CAPG: variants seen among roughly 807,000 people sequenced by gnomAD.
The protein encoded by CAPG is macrophage-capping protein.
Under a neutral mutation model 44.6 loss-of-function variants are expected in CAPG, and 32 were observed. The ratio of observed to expected loss-of-function variants is 0.72; its 90% CI spans 0.54 to 0.96. The LOEUF (loss-of-function observed/expected upper bound fraction) is 0.96, where lower values mean the gene tolerates loss of function less well. CAPG is among the 50% of genes least tolerant of loss of function. CAPG has a pLI of 0.00. For missense variants in CAPG, 412 were observed against 438.3 expected (o/e 0.94, Z 0.54); for synonymous variants, 175 against 179.6 (o/e 0.97, Z 0.20).
intron 7 of CAPG, 49 bp from the exon 8 acceptor site, chr2:85,398,201 C>T: frequency 6.3e-7 from 1 of 1,595,582 alleles, no homozygotes; most frequent in African/African-American, 1.3e-5. Context: ...CACCAGCCCT[C>T]ACCTCAGCCT....
chr2:85,412,369 C>T (rs141624218), upstream of CAPG, among the ~76,000 whole-genome samples: 89 of 152,150 alleles, frequency 5.8e-4, 1 homozygote, highest in East Asian at 0.017. Flanking sequence ...AAAAATTAGC[C>T]GGGGGTGGTG....
At chr2:85,417,053 G>A (rs998484467) in intron 1 of CAPG, among the ~76,000 whole-genome samples, 3 of 152,320 alleles carry the variant, frequency 2.0e-5, no homozygotes, top group African/African-American at 2.4e-5. Context: ...TCTTGGGAAA[G>A]TGGGACTGTC....
intron 8 of CAPG, among the ~76,000 whole-genome samples, chr2:85,396,708 G>A (rs112651146): frequency 1.7e-4 from 26 of 152,184 alleles, no homozygotes; most frequent in Middle Eastern, 3.4e-3. Flanking sequence ...CATGGGATAT[G>A]TGCCCTCTGG....
At chr2:85,398,379 T>C (rs1429546359) in intron 7 of CAPG, 3 of 592,634 alleles carry the variant, frequency 5.1e-6, no homozygotes, top group Non-Finnish European at 8.9e-6. Context: ...CGAACCCATT[T>C]GGAAATTAGG....
Position 85,395,917 on chromosome 2 carries a change from A to G in CAPG, c.893-291T>C. On this transcript the variant is annotated intron_variant, in intron 8 of 9. Transcript: ENST00000263867. The surrounding 1 kb of genome is among the most constrained non-coding windows in gnomAD (Gnocchi z 4.3). ...CCTGGAATATTTCAGGGAGGGGAACAGGTGTTCACCCTAGCATCAGACTGT... is the reference window on the plus strand; with the variant it reads ...CCTGGAATATTTCAGGGAGGGGAACGGGTGTTCACCCTAGCATCAGACTGT... 2.5e-6 allele frequency: 1 copy of G among 406,370 alleles called. No individual in the cohort carries two copies. Among genetic ancestry groups the G allele is most frequent in the Non-Finnish European group, 4.6e-6 (1 of 219,564 alleles). 25.2% of individuals were successfully genotyped at this position (406,370 alleles called of 1,614,324 possible). A position where few individuals can be genotyped will look rare whatever the true frequency, so the allele number is the denominator to read the frequency against.
downstream of CAPG, among the ~76,000 whole-genome samples, chr2:85,392,657 A>G (rs1197952220): frequency 6.6e-6 from 1 of 152,174 alleles, no homozygotes; most frequent in East Asian, 1.9e-4. Flanking sequence ...TGGGGCTGGT[A>G]ACAAACCCCA....
In CAPG at chr2:85,395,774, T is replaced by C; in HGVS notation, c.893-148A>G. The C allele has an allele frequency of 1.6e-6, 1 of 622,314 alleles. No individual in the cohort carries two copies. Among genetic ancestry groups the C allele is most frequent in the South Asian group, 1.9e-5 (1 of 52,732 alleles). 38.5% of individuals were successfully genotyped at this position (622,314 alleles called of 1,614,324 possible). ...AGGGGTCCCAAGAATGCCGAGGGGCTCTTTGGAGATGTGGAGTCAGTCCCT... is the reference window on the plus strand; with the variant it reads ...AGGGGTCCCAAGAATGCCGAGGGGCCCTTTGGAGATGTGGAGTCAGTCCCT... On this transcript the variant is annotated intron_variant, in intron 8 of 9. Coordinates refer to ENST00000263867, the MANE Select transcript of CAPG (RefSeq NM_001747.4). This position sits in a 1 kb window ranked among gnomAD's most constrained non-coding sequence, Gnocchi z 4.3.
rs764188430 is a variant in CAPG, at chr2:85,398,684, G to A, written c.759+6C>T. 3.1e-6 allele frequency: 5 copies of A among 1,594,096 alleles called. No homozygotes were observed. Among genetic ancestry groups the A allele is most frequent in the African/African-American group, 2.7e-5 (2 of 74,818 alleles). ...CCGGGTCCCAGGGCAGGCTTGGGGGGCCCACCTTATACAGAGCTGCGGCCT... is the reference window on the plus strand; with the variant it reads ...CCGGGTCCCAGGGCAGGCTTGGGGGACCCACCTTATACAGAGCTGCGGCCT... On this transcript the variant is annotated splice_donor_region_variant and intron_variant, in intron 7 of 9. Transcript: ENST00000263867.
At chr2:85,397,969 C>T (rs768832780) in intron 8 of CAPG, 51 bp downstream of exon 8, 7 of 1,581,730 alleles carry the variant, frequency 4.4e-6, no homozygotes, top group South Asian at 2.3e-5. Context: ...GAAGCCTGCC[C>T]GGGTCAGAGC....
intron 1 of CAPG, among the ~76,000 whole-genome samples, chr2:85,416,526 T>A (rs1300122110): frequency 1.3e-5 from 2 of 152,130 alleles, no homozygotes; most frequent in Non-Finnish European, 2.9e-5. Context: ...TTTTTCTTTT[T>A]TCGAGACAGA....
chr2:85,395,636 A>C lies in CAPG; in HGVS notation c.893-10T>G. 6.2e-7 allele frequency: 1 copy of C among 1,608,410 alleles called. No individual in the cohort carries two copies. The highest frequency in any genetic ancestry group is 8.5e-7 in the Non-Finnish European group (1 of 1,176,014). On this transcript the variant is annotated splice_polypyrimidine_tract_variant and intron_variant, in intron 8 of 9. Coordinates refer to ENST00000263867, the MANE Select transcript of CAPG (RefSeq NM_001747.4). The surrounding 1 kb of genome is among the most constrained non-coding windows in gnomAD (Gnocchi z 4.3). The stretch of plus-strand genomic sequence containing the variant: ...TCATTCGCTTTTCGCCCTAGATCAT[A>C]GGAAGGAGATTTTTAAAAAGAGCAG...
At chr2:85,404,068 A>G (rs1687033048) in intron 1 of CAPG, among the ~76,000 whole-genome samples, 1 of 152,050 alleles carries the variant, frequency 6.6e-6, no homozygotes, top group Non-Finnish European at 1.5e-5. Context: ...GATAGCCAGA[A>G]GAGAGGATTT....
intron 1 of CAPG, among the ~76,000 whole-genome samples, chr2:85,402,722 T>A (rs1337991248): frequency 1.3e-5 from 2 of 150,800 alleles, no homozygotes; most frequent in African/African-American, 4.9e-5. Flanking sequence ...CATCTCAGCC[T>A]CCCAAAGTGC....
upstream of CAPG, among the ~76,000 whole-genome samples, chr2:85,414,372 A>G (rs1687503925): frequency 6.6e-6 from 1 of 152,076 alleles, no homozygotes; most frequent in African/African-American, 2.4e-5. Context: ...TGGGAGGCTC[A>G]GAGAGGGTAA....
At chr2:85,408,864 C>T (rs1687293816) in intron 1 of CAPG, 2 of 152,388 alleles carry the variant, frequency 1.3e-5, no homozygotes, top group African/African-American at 4.8e-5. Context: ...CGCTAAAGTT[C>T]TTATCTAGTC....
chr2:85,395,637 GGAA>G lies in CAPG; in HGVS notation c.893-14_893-12del, dbSNP rs1263965201. The G allele has an allele frequency of 1.2e-6, 2 of 1,607,634 alleles. No homozygotes were observed. The highest frequency in any genetic ancestry group is 1.7e-6 in the Non-Finnish European group (2 of 1,175,530). On this transcript the variant is annotated splice_polypyrimidine_tract_variant and intron_variant, in intron 8 of 9. Transcript: ENST00000263867. This position sits in a 1 kb window ranked among gnomAD's most constrained non-coding sequence, Gnocchi z 4.3. ...CATTCGCTTTTCGCCCTAGATCATA[GGAA>G]GGAGATTTTTAAAAAGAGCAGGGAC...
At chr2:85,397,925 T>C in intron 8 of CAPG, 95 bp downstream of exon 8, 1 of 1,277,694 alleles carries the variant, frequency 7.8e-7, no homozygotes, top group Non-Finnish European at 1.1e-6. Context: ...GGCTGTCTTT[T>C]ACAAGCAGCT....
rs1180857166 is a variant in CAPG, at chr2:85,395,516, G to A, written c.981+22C>T. 6.2e-7 allele frequency: 1 copy of A among 1,601,712 alleles called. No homozygotes were observed. The highest frequency in any genetic ancestry group is 8.5e-7 in the Non-Finnish European group (1 of 1,170,096). The stretch of plus-strand genomic sequence containing the variant: ...CAGGAAGAGCCCTAGGAAGAGGGCT[G>A]TGGTTGTGCGCATCTCCTCACCTGA... On this transcript the variant is annotated intron_variant, in intron 9 of 9. Transcript: ENST00000263867. This position sits in a 1 kb window ranked among gnomAD's most constrained non-coding sequence, Gnocchi z 4.3.
In CAPG at chr2:85,395,736, C is replaced by T; in HGVS notation, c.893-110G>A. ...TCCACAGAAGAGCCAGCAATTTTTA[C>T]AATAAATGGACCAGGGGTCCCAAGA... On this transcript the variant is annotated intron_variant, in intron 8 of 9. Transcript: ENST00000263867. This position sits in a 1 kb window ranked among gnomAD's most constrained non-coding sequence, Gnocchi z 4.3. The T allele has an allele frequency of 1.4e-6, 1 of 713,602 alleles. No homozygotes were observed. Among genetic ancestry groups the T allele is most frequent in the Non-Finnish European group, 2.4e-6 (1 of 412,104 alleles). 44.2% of individuals were successfully genotyped at this position (713,602 alleles called of 1,614,324 possible).
Sources: gnomAD v4.1 joint callset for allele counts (sites outside exome capture counted in the v4.1 genomes callset) on GRCh38, gnomAD v4.1.1 for gene constraint, Gnocchi (gnomAD v3.1) non-coding constraint, MANE v1.5 for transcripts, NCBI Gene and HGNC (gene_info 2026-07-23, HGNC 2026-07-21) for gene names.